Variants in KIF25 observed in about 807,000 individuals in gnomAD.
The protein encoded by KIF25 is kinesin family member 25.
A neutral mutation model predicts 32.9 loss-of-function variants in KIF25; 19 were observed. That is an observed-to-expected ratio of 0.58 (90% CI 0.40 to 0.85). The LOEUF is 0.85. KIF25 is among the 40% of genes least tolerant of loss of function. The probability of loss-of-function intolerance (pLI) is 0.00; values close to 1 mark genes in which losing one functional copy is unlikely to be tolerated. For missense variants in KIF25, 485 were observed against 507.0 expected (o/e 0.96, Z 0.42); for synonymous variants, 225 against 213.7 (o/e 1.05, Z -0.46).
chr6:168,042,077 G>A lies in KIF25; in HGVS notation c.755G>A (p.Gly252Glu). 1 of 1,551,422 alleles carries A rather than the reference G, an allele frequency of 6.4e-7. No individual in the cohort carries two copies. The highest frequency in any genetic ancestry group is 2.4e-5 in the East Asian group (1 of 40,986). Residue 252 changes from glycine (G) to glutamate (E), a missense_variant, in exon 11 of 13, where the codon GGG becomes GAG. By Grantham distance (98) the Gly-to-Glu change is moderately conservative. Coordinates refer to ENST00000643607, the MANE Select transcript of KIF25 (RefSeq NM_030615.4). ...GCCTTGGCTCCACAGCTGGTTCCTG[G>A]GAACCCCGCAGGGCATGCGGAGCAG... ...QGALAPQLVP[G>E]NPAGHAEQVQ...
Position 167,997,982 on chromosome 6 carries a change from A to C in KIF25, c.-1487A>C, listed in dbSNP as rs1291111341. Among the ~76,000 whole-genome samples the C allele has an allele frequency of 2.0e-5, 3 of 152,188 alleles. No homozygotes were observed. The highest frequency in any genetic ancestry group is 3.2e-3 in the Middle Eastern group (1 of 316). On this transcript the variant is annotated 5_prime_UTR_variant, in exon 1 of 13. Transcript: ENST00000643607. ...ATCTACTTATGTAGTTCAGTGCTCC[A>C]AACATTGATATAAGAGAACATTTAT...
intron 5 of KIF25, among the ~76,000 whole-genome samples, chr6:168,028,295 C>T (rs1038335937): frequency 6.6e-6 from 1 of 152,074 alleles, no homozygotes; most frequent in African/African-American, 2.4e-5. Context: ...AATGATCTGT[C>T]CACCTTGGCC....
At chr6:168,029,315 A>G (rs1174970097) in intron 5 of KIF25, among the ~76,000 whole-genome samples, 177 bp from the exon 6 acceptor site, 1 of 152,272 alleles carries the variant, frequency 6.6e-6, no homozygotes, top group African/African-American at 2.4e-5. Context: ...ACCCTGTGCA[A>G]TGTAGATGCC....
chr6:167,998,983 C>A (rs1053430096), intron 1 of KIF25, 109 bp from the exon 2 acceptor site: 1 of 152,202 alleles, frequency 6.6e-6, no homozygotes, highest in Admixed American at 6.5e-5. Flanking sequence ...ACCTGGGAGG[C>A]GGAGGTCGCA....
intron 5 of KIF25, among the ~76,000 whole-genome samples, chr6:168,028,773 G>A (rs766476512): frequency 1.8e-4 from 28 of 152,142 alleles, no homozygotes; most frequent in Non-Finnish European, 3.7e-4. Flanking sequence ...ATTTTCAGGA[G>A]CCTTTTTATC....
At chr6:168,003,266 A>G (rs1798531425) in intron 3 of KIF25, among the ~76,000 whole-genome samples, 2 of 152,264 alleles carry the variant, frequency 1.3e-5, no homozygotes. Flanking sequence ...AAAAAAATCA[A>G]GAGAAGACAA....
chr6:168,012,500 T>C (rs953524516), intron 4 of KIF25, among the ~76,000 whole-genome samples: 3 of 152,182 alleles, frequency 2.0e-5, no homozygotes, highest in African/African-American at 7.2e-5. Flanking sequence ...AAGGGTAGGC[T>C]CTCAGGCTAT....
At chr6:168,018,763 C>T (rs1447034896) in intron 5 of KIF25, among the ~76,000 whole-genome samples, 2 of 152,212 alleles carry the variant, frequency 1.3e-5, no homozygotes, top group Non-Finnish European at 2.9e-5. Context: ...GTCCTGCTCC[C>T]AGGCTCTGTC....
chr6:168,036,324 T>A (rs1316452856), intron 8 of KIF25, among the ~76,000 whole-genome samples: 1 of 152,186 alleles, frequency 6.6e-6, no homozygotes, highest in Non-Finnish European at 1.5e-5. Flanking sequence ...TTTTCTGCTT[T>A]TAAAAAGTCT....
At chr6:168,010,237 G>A (rs757478637) in intron 4 of KIF25, among the ~76,000 whole-genome samples, 2 of 151,848 alleles carry the variant, frequency 1.3e-5, no homozygotes, top group African/African-American at 4.8e-5. Context: ...GTGTCCCATA[G>A]GTTTTGGAAT....
In KIF25 at chr6:168,042,709, C is replaced by T; in HGVS notation, c.978C>T (p.Asp326=). The change falls in exon 12 of 13, where the codon GAC becomes GAT. Residue 326 remains aspartate, a synonymous_variant. Coordinates refer to ENST00000643607, the MANE Select transcript of KIF25 (RefSeq NM_030615.4). ...RNSRLTHLLQ[D]CLGGDAKLLV... ...GCAGGCTCACCCACCTCCTTCAGGACTGCCTCGGTAACCGTTTTCCCCAAA... is the reference window on the plus strand; with the variant it reads ...GCAGGCTCACCCACCTCCTTCAGGATTGCCTCGGTAACCGTTTTCCCCAAA... The T allele has an allele frequency of 6.2e-7, 1 of 1,610,292 alleles. No homozygotes were observed. Among genetic ancestry groups the T allele is most frequent in the Non-Finnish European group, 8.5e-7 (1 of 1,179,056 alleles).
chr6:168,032,760 G>A (rs1798959262), intron 7 of KIF25, among the ~76,000 whole-genome samples: 1 of 152,234 alleles, frequency 6.6e-6, no homozygotes, highest in Admixed American at 6.5e-5. Flanking sequence ...ATACACCGGA[G>A]TCACAGTTGA....
At chr6:168,033,154 G>A (rs1798965081) in intron 7 of KIF25, among the ~76,000 whole-genome samples, 1 of 152,160 alleles carries the variant, frequency 6.6e-6, no homozygotes, top group African/African-American at 2.4e-5. Context: ...TGGATTGACT[G>A]TGGACATGAA....
chr6:168,041,884 G>A (rs1799124209), intron 10 of KIF25, 85 bp from the exon 11 acceptor site: 6 of 1,375,292 alleles, frequency 4.4e-6, no homozygotes, highest in Middle Eastern at 4.1e-4. Context: ...CAGTTCAGAA[G>A]CTTCTCGGCT....
intron 4 of KIF25, among the ~76,000 whole-genome samples, chr6:168,005,726 G>C (rs1798571104): frequency 6.6e-6 from 1 of 152,178 alleles, no homozygotes; most frequent in African/African-American, 2.4e-5. Context: ...TGTAGGCTGG[G>C]AGGCTAGGCC....
intron 10 of KIF25, among the ~76,000 whole-genome samples, chr6:168,041,610 G>C (rs1291668223): frequency 2.0e-5 from 3 of 152,234 alleles, no homozygotes; most frequent in African/African-American, 7.2e-5. Context: ...GTTAGGATTT[G>C]TGTGGAAGAT....
At chr6:168,013,419 T>C (rs1246438497) in intron 4 of KIF25, among the ~76,000 whole-genome samples, 1 of 151,914 alleles carries the variant, frequency 6.6e-6, no homozygotes, top group Non-Finnish European at 1.5e-5. Flanking sequence ...CTTGGAGTCA[T>C]GAAGATGGAG....
At chr6:168,029,267 C>T (rs146305442) in intron 5 of KIF25, among the ~76,000 whole-genome samples, 72 of 152,274 alleles carry the variant, frequency 4.7e-4, no homozygotes, top group African/African-American at 1.7e-3. Flanking sequence ...AATAGTTTGC[C>T]AACCCTTGCC....
At chr6:168,019,272 A>G (rs925386945) in intron 5 of KIF25, among the ~76,000 whole-genome samples, 7 of 152,340 alleles carry the variant, frequency 4.6e-5, no homozygotes, top group African/African-American at 1.7e-4. Context: ...GGAAGTAGGA[A>G]AATATGACCT....
Sources: allele counts gnomAD v4.1 joint callset (sites outside exome capture counted in the v4.1 genomes callset), GRCh38; gene constraint gnomAD v4.1.1; transcripts MANE v1.5; gene names NCBI Gene and HGNC (gene_info 2026-07-23, HGNC 2026-07-21).